The following THAP5 variants were observed in gnomAD, a reference collection of about 807,000 sequenced individuals.
THAP5 encodes the protein THAP domain-containing protein 5.
THAP5 carries 26 observed loss-of-function variants against 34.0 expected under a neutral mutation model. That is an observed-to-expected ratio of 0.77 (90% CI 0.56 to 1.06). The LOEUF is 1.06. THAP5 is among the 50% of genes least tolerant of loss of function. The pLI, the probability that THAP5 is intolerant of heterozygous loss-of-function variation, is 0.00. For missense variants in THAP5, 394 were observed against 452.8 expected (o/e 0.87, Z 1.18); for synonymous variants, 125 against 153.0 (o/e 0.82, Z 1.35).
At chr7:108,552,838 G>C (rs1386097587), downstream of THAP5, among the ~76,000 whole-genome samples, 4 of 152,060 alleles carry the variant, frequency 2.6e-5, no homozygotes, top group Non-Finnish European at 5.9e-5. Flanking sequence ...TGTTATAGTA[G>C]GATATGAGGT....
At chr7:108,559,098 G>C (rs1397384581), downstream of THAP5, among the ~76,000 whole-genome samples, 2 of 152,122 alleles carry the variant, frequency 1.3e-5, no homozygotes, top group Non-Finnish European at 1.5e-5. Flanking sequence ...TGCTTAAAGG[G>C]GGAACAAAAC....
At chr7:108,565,763 C>G in intron 2 of THAP5, 67 bp downstream of exon 2, 2 of 1,292,652 alleles carry the variant, frequency 1.5e-6, no homozygotes, top group African/African-American at 3.0e-5. Context: ...TACTCTCCCA[C>G]CTGATCACCT....
At chr7:108,542,670 C>T in the THAP5 span, among the ~76,000 whole-genome samples, 3 of 152,136 alleles carry the variant, frequency 2.0e-5, no homozygotes, top group Non-Finnish European at 4.4e-5. Flanking sequence ...ACCACATTGG[C>T]CAGTCTGGTC....
the THAP5 span, among the ~76,000 whole-genome samples, chr7:108,548,679 A>C: frequency 3.9e-5 from 6 of 152,164 alleles, no homozygotes; most frequent in Non-Finnish European, 8.8e-5. Flanking sequence ...ATGTCTTACA[A>C]GGCAGCAGGC....
intron 1 of THAP5, 21 bp from the exon 2 acceptor site, chr7:108,566,043 A>T (rs1191544088): frequency 1.3e-6 from 2 of 1,493,318 alleles, no homozygotes; most frequent in Non-Finnish European, 1.8e-6. Context: ...AAAAAAAAAG[A>T]AGAAAAAAGG....
intron 1 of THAP5, among the ~76,000 whole-genome samples, chr7:108,555,938 G>T (rs1417264931): frequency 6.6e-6 from 1 of 151,458 alleles, no homozygotes; most frequent in African/African-American, 2.4e-5. Context: ...CCTGACCTCA[G>T]GTAATGCACC....
the THAP5 span, among the ~76,000 whole-genome samples, chr7:108,545,369 A>G: frequency 8.1e-4 from 123 of 152,370 alleles, no homozygotes; most frequent in African/African-American, 2.9e-3. Context: ...GGGAGTTGGC[A>G]GCAAAACATT....
At position 108,563,146 on chromosome 7, in the gene THAP5, T is replaced by C. The variant is rs1790393806; in HGVS notation, c.*1045A>G. ...TATTTGATGGTTAGCCACATATAAG[T>C]TACCGAAATACATATTCTTTCAAGT... On this transcript the variant is annotated 3_prime_UTR_variant, in exon 3 of 3. Transcript: ENST00000415914. 6.6e-6 allele frequency: 1 copy of C among 152,194 alleles called. No individual in the cohort carries two copies. The highest frequency in any genetic ancestry group is 2.4e-5 in the African/African-American group (1 of 41,452). 9.4% of individuals were successfully genotyped at this position (152,194 alleles called of 1,614,324 possible).
At chr7:108,560,392 A>T (rs1261598845), downstream of THAP5, among the ~76,000 whole-genome samples, 1 of 152,142 alleles carries the variant, frequency 6.6e-6, no homozygotes, top group East Asian at 1.9e-4. Context: ...ATACCATGTG[A>T]CCCTTCCCCA....
At chr7:108,554,529 A>C (rs1864373398), downstream of THAP5, 1 of 152,206 alleles carries the variant, frequency 6.6e-6, no homozygotes, top group South Asian at 2.1e-4. Flanking sequence ...TTAGATTAAA[A>C]ATACTGTCAA....
rs763204155 is a variant in THAP5 at position 108,564,273 on chromosome 7, AG to A, written c.1105del (p.Leu369Ter). The A allele has an allele frequency of 6.2e-7, 1 of 1,613,302 alleles. No homozygotes were observed. Among genetic ancestry groups the A allele is most frequent in the Non-Finnish European group, 8.5e-7 (1 of 1,179,718 alleles). On this transcript the variant is annotated frameshift_variant, in exon 3 of 3. Transcript: ENST00000415914. LOFTEE classifies it high-confidence loss of function. Reference sequence around the variant, plus strand: ...TTCAGATAGCCAGTTTTCCTGCTTTAGCTGCCTTATAAGAGCTTCCAAAGAC... The same window carrying A: ...TTCAGATAGCCAGTTTTCCTGCTTTACTGCCTTATAAGAGCTTCCAAAGAC... Reference protein sequence around the residue: ...LKSLEALIRQLKQENWLSEEN... With the variant: ...LKSLEALIRQXKQENWLSEEN...
In THAP5 at chr7:108,565,849, G is replaced by T. The variant is rs1449907991; in HGVS notation, c.254C>A (p.Ser85Tyr). Reference protein sequence around the residue: ...LKQTAVPTIFSLPEDNQGKDP... With the variant: ...LKQTAVPTIFYLPEDNQGKDP... ...CAATACCTGATTGTCTTCAGGCAAAGAAAATATTGTTGGAACTGCAGTTTG... is the reference window on the plus strand; with the variant it reads ...CAATACCTGATTGTCTTCAGGCAAATAAAATATTGTTGGAACTGCAGTTTG... The change falls in exon 2 of 3, where the codon TCT becomes TAT. Residue 85 changes from serine (S) to tyrosine (Y), a missense_variant. Ser to Tyr is a moderately radical substitution (Grantham distance 144, BLOSUM62 -2). Transcript: ENST00000415914. The T allele has an allele frequency of 6.5e-7, 1 of 1,546,088 alleles. No individual in the cohort carries two copies. Among genetic ancestry groups the T allele is most frequent in the Non-Finnish European group, 8.7e-7 (1 of 1,145,634 alleles).
At chr7:108,558,686 G>A (rs969872462), downstream of THAP5, among the ~76,000 whole-genome samples, 2 of 151,836 alleles carry the variant, frequency 1.3e-5, no homozygotes, top group African/African-American at 4.8e-5. Flanking sequence ...TTGAGCCACC[G>A]TGCCTGACCT....
intron 1 of THAP5, among the ~76,000 whole-genome samples, chr7:108,566,493 T>C (rs1383434523): frequency 6.6e-6 from 1 of 152,056 alleles, no homozygotes; most frequent in Non-Finnish European, 1.5e-5. Context: ...TACAATCTTA[T>C]TTAATATTTA....
chr7:108,568,511 T>C (rs1024829039), intron 1 of THAP5: 3 of 154,622 alleles, frequency 1.9e-5, no homozygotes, highest in African/African-American at 4.8e-5. Flanking sequence ...GGTGGGGTTA[T>C]CAATTTTTTT....
chr7:108,557,830 G>C (rs1050727372), downstream of THAP5, among the ~76,000 whole-genome samples: 1 of 152,108 alleles, frequency 6.6e-6, no homozygotes, highest in Non-Finnish European at 1.5e-5. Flanking sequence ...CCAATTTTCT[G>C]TATTAGTCTG....
chr7:108,564,962 A>T lies in THAP5; in HGVS notation c.417T>A (p.His139Gln), dbSNP rs1790453961. 5 of 1,559,098 alleles carry T rather than the reference A, an allele frequency of 3.2e-6. No homozygotes were observed. The highest frequency in any genetic ancestry group is 4.3e-6 in the Non-Finnish European group (5 of 1,149,570). Residue 139 changes from histidine to glutamine, a missense_variant, in exon 3 of 3, where the codon CAT becomes CAA. His to Gln is a conservative substitution (Grantham distance 24). Transcript: ENST00000415914. ...AGGAAGATGAATGAAGTAATTCTGG[A>T]TGTTGATGGGGCACATCTGTGTTAA... ...NIVNTDVPHQ[H>Q]PELLHSSSLV...
the THAP5 span, among the ~76,000 whole-genome samples, chr7:108,547,042 A>C: frequency 2.0e-5 from 3 of 152,228 alleles, no homozygotes; most frequent in Non-Finnish European, 4.4e-5. Flanking sequence ...TCAAAGCACC[A>C]AGTTTTAACA....
At chr7:108,569,154 G>GT (rs1305485965) in intron 1 of THAP5, 29 of 1,130,554 alleles carry the variant, frequency 2.6e-5, no homozygotes, top group Non-Finnish European at 2.9e-5. Context: ...CAGGTTTCAC[G>GT]TATCTTAAAT....
Sources: allele counts gnomAD v4.1 joint callset (sites outside exome capture counted in the v4.1 genomes callset), GRCh38; gene constraint gnomAD v4.1.1; transcripts MANE v1.5; gene names NCBI Gene and HGNC (gene_info 2026-07-23, HGNC 2026-07-21).